The following EPS15L1 variants were observed in gnomAD, a reference collection of about 807,000 sequenced individuals.
EPS15L1 encodes the protein epidermal growth factor receptor substrate 15-like 1.
EPS15L1 carries 43 observed loss-of-function variants against 117.1 expected under a neutral mutation model. That is an observed-to-expected ratio of 0.37 (90% CI 0.29 to 0.47). The LOEUF is 0.47. Among genes scored for constraint, EPS15L1 ranks in the 20% least tolerant of loss-of-function variants. The pLI is 0.99. For missense variants in EPS15L1, 981 were observed against 1,164.0 expected (o/e 0.84, Z 2.29); for synonymous variants, 459 against 470.5 (o/e 0.98, Z 0.32).
Position 16,355,656 on chromosome 19 carries a change from C to T in EPS15L1, c.*49G>A, listed in dbSNP as rs2091970419. Reference sequence around the variant, plus strand: ...GTATATATAGACATCTGCACTGCCCCCTCTCTGGAACCCGCCCGTGCCCTG... The same window carrying T: ...GTATATATAGACATCTGCACTGCCCTCTCTCTGGAACCCGCCCGTGCCCTG... On this transcript the variant is annotated 3_prime_UTR_variant, in exon 24 of 24. Coordinates refer to ENST00000455140, the MANE Select transcript of EPS15L1 (RefSeq NM_001258374.3). 2 of 1,521,904 alleles carry T rather than the reference C, an allele frequency of 1.3e-6. No homozygotes were observed. Among genetic ancestry groups the T allele is most frequent in the Non-Finnish European group, 8.8e-7 (1 of 1,137,040 alleles). The allele number at this position is 1,521,904 out of a possible 1,614,324, so 94.3% of individuals were successfully genotyped here.
At chr19:16,421,839 C>A (rs759752925) in intron 9 of EPS15L1, among the ~76,000 whole-genome samples, 4 of 152,120 alleles carry the variant, frequency 2.6e-5, no homozygotes, top group African/African-American at 7.2e-5. Flanking sequence ...TTGGAAGGAC[C>A]GTCCCTGGAG....
intron 21 of EPS15L1, among the ~76,000 whole-genome samples, chr19:16,384,806 C>T (rs556470854): frequency 6.6e-5 from 10 of 152,212 alleles, no homozygotes; most frequent in South Asian, 4.1e-4. Flanking sequence ...ATGGCCCTCT[C>T]GAGACGCCTG....
chr19:16,404,685 T>A lies in EPS15L1; in HGVS notation c.1331A>T (p.Asp444Val), dbSNP rs1445845803. 6.2e-7 allele frequency: 1 copy of A among 1,614,074 alleles called. No homozygotes were observed. Among genetic ancestry groups the A allele is most frequent in the East Asian group, 2.2e-5 (1 of 44,888 alleles). ...CATCTCGTCCAGGCGGTCTTGAGCA[T>A]CCTGTTTCTGAGCCTCGAGCTCCTG... ...SLQELEAQKQ[D>V]AQDRLDEMDQ... Residue 444 changes from aspartate (D) to valine (V), a missense_variant, in exon 14 of 24, where the codon GAT becomes GTT. Physicochemically the swap from Asp to Val is radical, Grantham distance 152 (BLOSUM62 -3). Around this residue, in one of 5 missense-constraint regions of EPS15L1, gnomAD observed 819 missense variants for 949.0 expected, o/e 0.86. Transcript: ENST00000455140. The surrounding 1 kb of genome is among the most constrained non-coding windows in gnomAD (Gnocchi z 4.2).
In EPS15L1 at chr19:16,383,034, G is replaced by C. The variant is rs2144729761; in HGVS notation, c.2247+2095C>G. The C allele has an allele frequency of 6.6e-6, 1 of 152,102 alleles. No individual in the cohort carries two copies. Among genetic ancestry groups the C allele is most frequent in the Non-Finnish European group, 1.5e-5 (1 of 67,994 alleles). 9.4% of individuals were successfully genotyped at this position (152,102 alleles called of 1,614,324 possible). A position where few individuals can be genotyped will look rare whatever the true frequency, so the allele number is the denominator to read the frequency against. ...TATTTATATCCACAATGTTGTTCTT[G>C]AAAAACAGATAGGTAACCAAAAAGG... is the stretch of plus-strand genomic sequence containing the variant. On this transcript the variant is annotated intron_variant, in intron 21 of 23. Transcript: ENST00000455140. The surrounding 1 kb of genome is among the most constrained non-coding windows in gnomAD (Gnocchi z 5.2).
In EPS15L1 at chr19:16,413,365, C is replaced by T. The variant is rs2092726042; in HGVS notation, c.1266+408G>A. The T allele has an allele frequency of 1.2e-5, 8 of 693,046 alleles. No homozygotes were observed. The South Asian group carries it at 1.3e-4, about 11-fold the overall frequency. 42.9% of individuals were successfully genotyped at this position (693,046 alleles called of 1,614,324 possible). On this transcript the variant is annotated intron_variant, in intron 13 of 23. Coordinates refer to ENST00000455140, the MANE Select transcript of EPS15L1 (RefSeq NM_001258374.3). The stretch of plus-strand genomic sequence containing the variant: ...ATGGCTAGTATCAATGACTGCTACA[C>T]CTCAGCCAGGGGCTGCACTGCCATC...
rs141199680 is a variant in EPS15L1 at position 16,398,673 on chromosome 19, A to C, written c.1792-3206T>G. Among the ~76,000 whole-genome samples the C allele has an allele frequency of 7.5e-3, 1,144 of 152,266 alleles. 5 individuals are homozygous for C. The highest frequency in any genetic ancestry group is 0.012 in the Non-Finnish European group (836 of 68,014). ...TATTTAGTTTGTTTTTAAAGGTAGGATCTCACTACGTTGCCCAGGCTGGAG... is the reference window on the plus strand; with the variant it reads ...TATTTAGTTTGTTTTTAAAGGTAGGCTCTCACTACGTTGCCCAGGCTGGAG... On this transcript the variant is annotated intron_variant, in intron 16 of 23. Coordinates refer to ENST00000455140, the MANE Select transcript of EPS15L1 (RefSeq NM_001258374.3).
intron 22 of EPS15L1, among the ~76,000 whole-genome samples, chr19:16,362,405 T>C (rs932242702): frequency 1.4e-5 from 2 of 147,676 alleles, no homozygotes; most frequent in Non-Finnish European, 3.0e-5. Context: ...GAGGGGAGAG[T>C]TACTTGCAAA....
rs1239498819 is a variant in EPS15L1, at chr19:16,362,485, A to G, written c.2381-501T>C. On this transcript the variant is annotated intron_variant, in intron 22 of 23. Transcript: ENST00000455140. ...GTGTTAGTTATAAGGGTCTGCACAC[A>G]GCTCTGCCATGCTGAGGTTTAAGTT... is the stretch of plus-strand genomic sequence containing the variant. Among the ~76,000 whole-genome samples the G allele has an allele frequency of 2.7e-5, 4 of 145,904 alleles. No individual in the cohort carries two copies. The Admixed American group carries it at 2.8e-4, about 10-fold the overall frequency.
intron 1 of EPS15L1, among the ~76,000 whole-genome samples, chr19:16,466,864 T>C (rs1183745071): frequency 6.6e-6 from 1 of 150,690 alleles, no homozygotes; most frequent in Non-Finnish European, 1.5e-5. Context: ...GACAGCGCCA[T>C]TGCACTCCAT....
At chr19:16,360,378 C>T (rs747750618) in intron 23 of EPS15L1, among the ~76,000 whole-genome samples, 10 of 152,104 alleles carry the variant, frequency 6.6e-5, no homozygotes, top group Non-Finnish European at 1.2e-4. Context: ...CAGTGCGCAT[C>T]TAGGGTCAAC....
chr19:16,378,488 G>A (rs980140914), intron 21 of EPS15L1, among the ~76,000 whole-genome samples: 8 of 151,970 alleles, frequency 5.3e-5, no homozygotes, highest in Admixed American at 2.0e-4. Flanking sequence ...CCCCACTGCC[G>A]TCCCCCAGAG....
intron 11 of EPS15L1, 107 bp from the exon 12 acceptor site, chr19:16,417,744 C>CA: frequency 8.5e-7 from 1 of 1,174,660 alleles, no homozygotes; most frequent in East Asian, 2.4e-5. Flanking sequence ...CTTTAGTACA[C>CA]AGGGTGAGGT....
At chr19:16,440,795 G>C (rs745893514) in intron 4 of EPS15L1, 67 bp downstream of exon 4, 3 of 1,439,566 alleles carry the variant, frequency 2.1e-6, no homozygotes, top group Non-Finnish European at 2.9e-6. Context: ...GGAAGGAGCC[G>C]TGGAGGTCAC....
At chr19:16,441,373 G>A (rs943950121) in intron 3 of EPS15L1, 8 of 200,750 alleles carry the variant, frequency 4.0e-5, no homozygotes, top group Non-Finnish European at 7.3e-5. Context: ...TCGGGAGGCT[G>A]AGGCAGGAGA....
intron 1 of EPS15L1, among the ~76,000 whole-genome samples, chr19:16,463,764 T>C (rs1335068671): frequency 4.6e-5 from 7 of 152,140 alleles, no homozygotes; most frequent in Admixed American, 1.3e-4. Context: ...GGAAAAGGTG[T>C]CCATCTCCAC....
intron 10 of EPS15L1, among the ~76,000 whole-genome samples, chr19:16,418,846 C>A (rs188271560): frequency 6.6e-6 from 1 of 152,270 alleles, no homozygotes; most frequent in African/African-American, 2.4e-5. Flanking sequence ...AGGCAGTGAG[C>A]CCTCACCAGA....
rs922453667 is a variant in EPS15L1 at position 16,371,043 on chromosome 19, G to A, written c.2380+6079C>T. Among the ~76,000 whole-genome samples the A allele has an allele frequency of 2.6e-5, 4 of 152,222 alleles. No homozygotes were observed. The highest frequency in any genetic ancestry group is 6.5e-5 in the Admixed American group (1 of 15,292). On this transcript the variant is annotated intron_variant, in intron 22 of 23. Coordinates refer to ENST00000455140, the MANE Select transcript of EPS15L1 (RefSeq NM_001258374.3). This position sits in a 1 kb window ranked among gnomAD's most constrained non-coding sequence, Gnocchi z 4.7. ...ACCGGATTATCTCTCTGAGATCATC[G>A]TGGGAACGAAATTGAAGTAGTTAAG...
At chr19:16,419,976 G>A (rs1013128396) in intron 10 of EPS15L1, among the ~76,000 whole-genome samples, 1 of 152,218 alleles carries the variant, frequency 6.6e-6, no homozygotes, top group African/African-American at 2.4e-5. Flanking sequence ...CTCAGTCAGC[G>A]GCCATCCGGC....
intron 6 of EPS15L1, 67 bp downstream of exon 6, chr19:16,436,859 CAGAACAATTCT>C: frequency 2.5e-6 from 3 of 1,200,214 alleles, no homozygotes; most frequent in South Asian, 2.6e-5. Context: ...AGAACAATTC[CAGAACAATTCT>C]AGAACAACTG....
Sources: gnomAD v4.1 joint callset for allele counts (sites outside exome capture counted in the v4.1 genomes callset) on GRCh38, gnomAD v4.1.1 for gene constraint, gnomAD v4.1.1 regional missense constraint, Gnocchi (gnomAD v3.1) non-coding constraint, MANE v1.5 for transcripts, NCBI Gene and HGNC (gene_info 2026-07-23, HGNC 2026-07-21) for gene names.